FREM1: variants seen among roughly 807,000 people sequenced by gnomAD.
FREM1 encodes the protein FRAS1 related extracellular matrix 1, also known as FRAS1-related extracellular matrix protein 1.
A neutral mutation model predicts 210.1 loss-of-function variants in FREM1; 220 were observed. The observed-to-expected ratio is 1.05, with a 90% CI of 0.94 to 1.17. FREM1 has a LOEUF of 1.17. Among genes scored for constraint, FREM1 ranks in the 50% most tolerant of loss-of-function variants. The probability of loss-of-function intolerance (pLI) is 0.00; values close to 1 mark genes in which losing one functional copy is unlikely to be tolerated. For synonymous variants in FREM1, 1,189 were observed against 980.2 expected, an observed-to-expected ratio of 1.21 and a Z score of -3.98; for missense variants, 3,454 against 2,675.5, an observed-to-expected ratio of 1.29 and a Z score of -6.42.
intron 1 of FREM1, among the ~76,000 whole-genome samples, chr9:14,876,272 C>T (rs1436644082): frequency 6.6e-6 from 1 of 152,182 alleles, no homozygotes; most frequent in Non-Finnish European, 1.5e-5. Context: ...CTGTGCCCTG[C>T]CCCCAGAGGT....
chr9:14,906,883 C>G (rs945809347), intron 1 of FREM1, among the ~76,000 whole-genome samples: 1 of 152,150 alleles, frequency 6.6e-6, no homozygotes, highest in Admixed American at 6.5e-5. Flanking sequence ...ATTTATCTGT[C>G]CTTTGTTGCT....
intron 1 of FREM1, among the ~76,000 whole-genome samples, chr9:14,876,610 T>G (rs982091105): frequency 1.3e-5 from 2 of 152,156 alleles, no homozygotes; most frequent in East Asian, 1.9e-4. Context: ...GAAAGGGAAC[T>G]CCCTGATCCC....
chr9:14,890,821 C>A (rs1278113100), intron 1 of FREM1, among the ~76,000 whole-genome samples: 2 of 152,200 alleles, frequency 1.3e-5, no homozygotes, highest in Non-Finnish European at 2.9e-5. Context: ...CCTCAACTTA[C>A]AGTTCTGTTT....
At chr9:14,879,373 G>A (rs1697777911) in intron 1 of FREM1, among the ~76,000 whole-genome samples, 1 of 152,082 alleles carries the variant, frequency 6.6e-6, no homozygotes. Flanking sequence ...CCTGATGATT[G>A]GCCAACTAGT....
intron 2 of FREM1, among the ~76,000 whole-genome samples, chr9:14,865,698 T>TGTGTGTGTGTGTGTGTGC (rs759644257): frequency 8.6e-5 from 13 of 150,636 alleles, no homozygotes; most frequent in Admixed American, 4.6e-4. Context: ...TGTGTGTGTG[T>TGTGTGTGTGTGTGTGTGC]GCACATGCAC....
At chr9:14,819,603 G>GA (rs1371533483) in intron 13 of FREM1, among the ~76,000 whole-genome samples, 161 bp from the exon 14 acceptor site, 1 of 152,166 alleles carries the variant, frequency 6.6e-6, no homozygotes, top group Admixed American at 6.5e-5. Context: ...CATTTTGACT[G>GA]AAAAATTTTT....
At chr9:14,750,874 C>A (rs1353629003) in intron 29 of FREM1, among the ~76,000 whole-genome samples, 3 of 152,086 alleles carry the variant, frequency 2.0e-5, no homozygotes, top group African/African-American at 7.2e-5. Context: ...AGAAATAAAG[C>A]CAATTTTTTC....
Position 14,848,985 on chromosome 9 carries a change from A to G in FREM1, c.1153-212T>C, listed in dbSNP as rs534721914. On this transcript the variant is annotated intron_variant, in intron 6 of 36. Coordinates refer to ENST00000380880, the MANE Select transcript of FREM1 (RefSeq NM_001379081.2). ...TAACGGTATTTTTAAATTTTCTTCT[A>G]CATAAAAGAATTTATTAATCTAAAA... is the stretch of plus-strand genomic sequence containing the variant. Among the ~76,000 whole-genome samples, 15 of 152,304 alleles carry G rather than the reference A, an allele frequency of 9.8e-5. No homozygotes were observed. In the East Asian group the frequency reaches 1.3e-3, roughly 14 times the overall value.
At position 14,857,763 on chromosome 9, in the gene FREM1, C is replaced by A; in HGVS notation, c.632-14G>T. The stretch of plus-strand genomic sequence containing the variant: ...TTGCTCTCAGTTCTAGAATGTACAG[C>A]ACTGGATTAAGAGAGTCACTTAAAC... On this transcript the variant is annotated splice_polypyrimidine_tract_variant and intron_variant, in intron 4 of 36. Transcript: ENST00000380880. 2 of 1,563,832 alleles carry A rather than the reference C, an allele frequency of 1.3e-6. No individual in the cohort carries two copies. Among genetic ancestry groups the A allele is most frequent in the Non-Finnish European group, 8.7e-7 (1 of 1,154,358 alleles).
intron 29 of FREM1, among the ~76,000 whole-genome samples, chr9:14,750,858 G>C (rs1424876211): frequency 2.6e-5 from 4 of 152,084 alleles, no homozygotes; most frequent in African/African-American, 9.7e-5. Flanking sequence ...ATGGGCTGGG[G>C]GTTCTAGAAA....
intron 27 of FREM1, among the ~76,000 whole-genome samples, chr9:14,762,103 G>C (rs553888214): frequency 2.0e-5 from 3 of 151,786 alleles, no homozygotes; most frequent in Non-Finnish European, 4.4e-5. Flanking sequence ...TGTGCCTAAA[G>C]AATTACAAGA....
chr9:14,893,608 T>C (rs1424201834), intron 1 of FREM1, among the ~76,000 whole-genome samples: 3 of 152,218 alleles, frequency 2.0e-5, no homozygotes, highest in Admixed American at 1.3e-4. Context: ...TTAAATGAAA[T>C]ATTTTGCTAG....
At chr9:14,744,321 T>C (rs1481499322) in intron 35 of FREM1, among the ~76,000 whole-genome samples, 1 of 152,166 alleles carries the variant, frequency 6.6e-6, no homozygotes, top group Non-Finnish European at 1.5e-5. Flanking sequence ...GCCAATTGTA[T>C]ATACATCTAT....
Position 14,850,254 on chromosome 9 carries a change from A to G in FREM1, c.1152+1030T>C, listed in dbSNP as rs537983799. On this transcript the variant is annotated intron_variant, in intron 6 of 36. Transcript: ENST00000380880. ...GAGAGGTGGAACCTGCAGCAAAAGG[A>G]AATTAGATAGAAGTAGGACCTTCCC... 1.0e-3 allele frequency among the ~76,000 whole-genome samples: 158 copies of G among 152,324 alleles called. 1 individual carries two copies. Among genetic ancestry groups the G allele is most frequent in the Non-Finnish European group, 1.6e-3 (112 of 68,036 alleles).
intron 1 of FREM1, among the ~76,000 whole-genome samples, chr9:14,875,174 T>C (rs1027614900): frequency 1.3e-5 from 2 of 152,198 alleles, no homozygotes; most frequent in African/African-American, 4.8e-5. Context: ...AGGAGTATCT[T>C]TGTGGTGTTC....
intron 3 of FREM1, among the ~76,000 whole-genome samples, chr9:14,860,602 C>CACATATATATACACATATATAT (rs1829723916): frequency 1.0e-5 from 1 of 99,712 alleles, no homozygotes; most frequent in African/African-American, 4.3e-5. Flanking sequence ...TACATATATA[C>CACATATATATACACATATATAT]ACATATATAC....
chr9:14,776,018 G>A lies in FREM1; in HGVS notation c.4628C>T (p.Thr1543Ile), dbSNP rs1487061213. The change falls in exon 25 of 37, where the codon ACC (threonine) becomes ATC (isoleucine). Residue 1543 changes from threonine (T) to isoleucine (I), a missense_variant. Thr to Ile is a moderately conservative substitution (Grantham distance 89). Transcript: ENST00000380880. The stretch of plus-strand genomic sequence containing the variant: ...CTGGGGGAGCTGAACCAAGAGGAAG[G>A]TGAGGTTCTCCGCAGGTGTATCAGG... The part of the protein sequence containing the change: ...TDPDTPAENL[T>I]FLLVQLPQHG... 3.1e-6 allele frequency: 5 copies of A among 1,614,014 alleles called. No homozygotes were observed. In the South Asian group the frequency reaches 5.5e-5, roughly 18 times the overall value.
intron 13 of FREM1, among the ~76,000 whole-genome samples, chr9:14,821,022 TA>T (rs917438337): frequency 2.0e-5 from 3 of 152,168 alleles, no homozygotes; most frequent in African/African-American, 7.2e-5. Flanking sequence ...TTCAAAAAAA[TA>T]AAAGCATAAG....
At chr9:14,815,412 T>A (rs1820117271) in intron 15 of FREM1, among the ~76,000 whole-genome samples, 1 of 152,212 alleles carries the variant, frequency 6.6e-6, no homozygotes, top group South Asian at 2.1e-4. Context: ...AAAGACATTA[T>A]TACCAATATA....
Sources: allele counts gnomAD v4.1 joint callset (sites outside exome capture counted in the v4.1 genomes callset), GRCh38; gene constraint gnomAD v4.1.1; transcripts MANE v1.5; gene names NCBI Gene and HGNC (gene_info 2026-07-23, HGNC 2026-07-21).